EFCAB11: variants seen among roughly 807,000 people sequenced by gnomAD.
EFCAB11 encodes EF-hand calcium-binding domain-containing protein 11.
Under a neutral mutation model 23.0 loss-of-function variants are expected in EFCAB11, and 14 were observed. That is an observed-to-expected ratio of 0.61 (90% CI 0.40 to 0.95). EFCAB11 has a LOEUF of 0.95. EFCAB11 is among the 40% of genes least tolerant of loss of function. The pLI is 0.00. For missense variants in EFCAB11, 198 were observed against 195.8 expected, an observed-to-expected ratio of 1.01 and a Z score of -0.07; for synonymous variants, 65 against 66.6, an observed-to-expected ratio of 0.98 and a Z score of 0.11.
At chr14:89,894,006 GTCTC>G (rs1231392551) in intron 5 of EFCAB11, among the ~76,000 whole-genome samples, 3 of 151,658 alleles carry the variant, frequency 2.0e-5, no homozygotes, top group African/African-American at 4.8e-5. Flanking sequence ...TTGAGACGGA[GTCTC>G]TCTCTGTCGC....
chr14:89,809,810 G>A (rs751063497), intron 5 of EFCAB11, among the ~76,000 whole-genome samples: 4 of 152,104 alleles, frequency 2.6e-5, no homozygotes, highest in South Asian at 2.1e-4. Context: ...CGTCAATGGC[G>A]TCCCAATGAC....
chr14:89,842,130 T>G (rs777021028), intron 5 of EFCAB11, among the ~76,000 whole-genome samples: 13 of 152,202 alleles, frequency 8.5e-5, no homozygotes, highest in Non-Finnish European at 1.5e-4. Context: ...TACCTAGTTC[T>G]GTAAACTTCT....
At chr14:89,817,752 G>A (rs1455524108) in intron 5 of EFCAB11, among the ~76,000 whole-genome samples, 3 of 152,136 alleles carry the variant, frequency 2.0e-5, no homozygotes, top group Non-Finnish European at 4.4e-5. Context: ...CCAGCACTTT[G>A]GGAGGCTGAG....
intron 5 of EFCAB11, among the ~76,000 whole-genome samples, chr14:89,879,133 T>A (rs75083325): frequency 0.022 from 3,420 of 152,182 alleles, 58 homozygotes; most frequent in Non-Finnish European, 0.037. Context: ...TTTTTTTTTC[T>A]GTTCTCCACT....
At chr14:89,928,052 G>A (rs1890250070) in intron 5 of EFCAB11, among the ~76,000 whole-genome samples, 1 of 152,112 alleles carries the variant, frequency 6.6e-6, no homozygotes, top group Admixed American at 6.5e-5. Flanking sequence ...CTAACTTTGG[G>A]ATTGTGATAT....
intron 5 of EFCAB11, among the ~76,000 whole-genome samples, chr14:89,926,397 G>T (rs1018937820): frequency 3.9e-5 from 6 of 152,026 alleles, no homozygotes; most frequent in Admixed American, 1.3e-4. Flanking sequence ...ATAAAACAAA[G>T]ACCTCTATAA....
intron 5 of EFCAB11, among the ~76,000 whole-genome samples, chr14:89,903,578 G>T (rs891781024): frequency 6.6e-6 from 1 of 151,828 alleles, no homozygotes; most frequent in Non-Finnish European, 1.5e-5. Context: ...AGAGAAGGGG[G>T]GGGGCAATTC....
At chr14:89,909,816 C>T (rs55817663) in intron 5 of EFCAB11, among the ~76,000 whole-genome samples, 34,003 of 152,070 alleles carry the variant, frequency 0.22, 5,202 homozygotes, top group African/African-American at 0.42. Context: ...CATGCTCTCC[C>T]GCTGACCTCT....
At chr14:89,860,348 G>A (rs1473954704) in intron 5 of EFCAB11, among the ~76,000 whole-genome samples, 6 of 151,382 alleles carry the variant, frequency 4.0e-5, no homozygotes, top group Non-Finnish European at 2.9e-5. Flanking sequence ...TGGGCGACAA[G>A]AGTGAAAACT....
intron 5 of EFCAB11, among the ~76,000 whole-genome samples, chr14:89,905,636 G>A (rs1053004680): frequency 1.3e-5 from 2 of 152,182 alleles, no homozygotes; most frequent in African/African-American, 4.8e-5. Context: ...TGTAGAAAAT[G>A]CGCACAAAGT....
intron 1 of EFCAB11, 71 bp from the exon 2 acceptor site, chr14:89,954,072 G>C: frequency 7.4e-7 from 1 of 1,344,732 alleles, no homozygotes; most frequent in Non-Finnish European, 1.0e-6. Context: ...TTATTATACA[G>C]TTTGGACCTC....
At chr14:89,905,359 G>T (rs1224602299) in intron 5 of EFCAB11, among the ~76,000 whole-genome samples, 1 of 152,176 alleles carries the variant, frequency 6.6e-6, no homozygotes, top group Non-Finnish European at 1.5e-5. Flanking sequence ...TCTAGACCCA[G>T]TCCTAACCAC....
At chr14:89,877,728 G>A (rs1209500678) in intron 5 of EFCAB11, among the ~76,000 whole-genome samples, 2 of 152,110 alleles carry the variant, frequency 1.3e-5, no homozygotes, top group African/African-American at 4.8e-5. Flanking sequence ...CAGTTGTTTG[G>A]ATCTACTGTT....
At chr14:89,862,971 G>A (rs1000157807) in intron 5 of EFCAB11, among the ~76,000 whole-genome samples, 1 of 152,162 alleles carries the variant, frequency 6.6e-6, no homozygotes, top group African/African-American at 2.4e-5. Context: ...CTACTCATAT[G>A]TGAAATGTTT....
At chr14:89,863,685 T>A (rs74080730) in intron 5 of EFCAB11, among the ~76,000 whole-genome samples, 1 of 152,248 alleles carries the variant, frequency 6.6e-6, no homozygotes, top group Non-Finnish European at 1.5e-5. Context: ...CTGCACATGA[T>A]AAATGTTTGT....
At position 89,919,015 on chromosome 14, in the gene EFCAB11, C is replaced by G. The variant is rs999147899; in HGVS notation, c.410+12526G>C. On this transcript the variant is annotated intron_variant, in intron 5 of 5. Coordinates refer to ENST00000316738, the MANE Select transcript of EFCAB11 (RefSeq NM_145231.4). ...AGGACCAGGGTGGGGGAACTGAGTA[C>G]AGAAGACAGATTCTGGTAGCCCAAA... 2.0e-5 allele frequency among the ~76,000 whole-genome samples: 3 copies of G among 151,176 alleles called. No homozygotes were observed. The Admixed American group carries it at 2.0e-4, about 10-fold the overall frequency.
At position 89,950,093 on chromosome 14, in the gene EFCAB11, T is replaced by C. The variant is rs1047326281; in HGVS notation, c.217+4A>G. 5.8e-6 allele frequency: 9 copies of C among 1,548,420 alleles called. No individual in the cohort carries two copies. Among genetic ancestry groups the C allele is most frequent in the Non-Finnish European group, 7.9e-6 (9 of 1,134,808 alleles). On this transcript the variant is annotated splice_donor_region_variant and intron_variant, in intron 3 of 5. Coordinates refer to ENST00000316738, the MANE Select transcript of EFCAB11 (RefSeq NM_145231.4). ...CTAAAAATTAATATTAACTTTCATA[T>C]TACCAGAAGTATTTGGATTTATTGA...
At chr14:89,954,406 G>A (rs1483071673) in intron 1 of EFCAB11, 180 bp downstream of exon 1, 1 of 1,536,470 alleles carries the variant, frequency 6.5e-7, no homozygotes, top group East Asian at 2.4e-5. Flanking sequence ...GGTAGCCGTA[G>A]TCCTGGACGG....
chr14:89,805,990 T>G (rs1014770510), intron 5 of EFCAB11, among the ~76,000 whole-genome samples: 7 of 152,346 alleles, frequency 4.6e-5, no homozygotes, highest in African/African-American at 1.4e-4. Flanking sequence ...CTCTGCAATC[T>G]AAAGAGTAAC....
Sources: gnomAD v4.1 joint callset for allele counts (sites outside exome capture counted in the v4.1 genomes callset) on GRCh38, gnomAD v4.1.1 for gene constraint, MANE v1.5 for transcripts, NCBI Gene and HGNC (gene_info 2026-07-23, HGNC 2026-07-21) for gene names.